The following PLEKHH1 variants were observed in gnomAD, a reference collection of about 807,000 sequenced individuals.
PLEKHH1 encodes the protein pleckstrin homology domain-containing family H member 1.
PLEKHH1 carries 104 observed loss-of-function variants against 160.0 expected under a neutral mutation model. That is an observed-to-expected ratio of 0.65 (90% confidence interval 0.55 to 0.76). The LOEUF (loss-of-function observed/expected upper bound fraction) is 0.76. PLEKHH1 is among the 30% of genes least tolerant of loss of function. PLEKHH1 has a pLI of 0.00. For missense variants in PLEKHH1, 1,427 were observed against 1,724.1 expected (o/e 0.83, Z 3.05); for synonymous variants, 619 against 678.4 (o/e 0.91, Z 1.36).
Position 67,587,609 on chromosome 14 carries a change from G to A in PLEKHH1, c.*374G>A. 7.0e-6 allele frequency: 2 copies of A among 284,616 alleles called. No individual in the cohort carries two copies. 17.6% of individuals were successfully genotyped at this position (284,616 alleles called of 1,614,324 possible). On this transcript the variant is annotated 3_prime_UTR_variant, in exon 29 of 29. Coordinates refer to ENST00000329153, the MANE Select transcript of PLEKHH1 (RefSeq NM_020715.3). ...TAATTTTCTTTCTGGGGGGGGCGGGGGACACAGTGTCACTATGTCACCCAG... is the reference window on the plus strand; with the variant it reads ...TAATTTTCTTTCTGGGGGGGGCGGGAGACACAGTGTCACTATGTCACCCAG...
At position 67,562,743 on chromosome 14, in the gene PLEKHH1, G is replaced by T; in HGVS notation, c.1112G>T (p.Arg371Leu). The T allele has an allele frequency of 6.2e-7, 1 of 1,613,744 alleles. No individual in the cohort carries two copies. The highest frequency in any genetic ancestry group is 1.1e-5 in the South Asian group (1 of 91,006). The change falls in exon 7 of 29, where the codon CGG becomes CTG. Residue 371 changes from arginine to leucine, a missense_variant. Around this residue, in one of 6 missense-constraint regions of PLEKHH1, gnomAD observed 831 missense variants for 929.2 expected, o/e 0.89. Transcript: ENST00000329153. ...LPELESRARS[R>L]EEPEKMEMEE... ...GAGCTGGAGTCCCGAGCTAGGTCCC[G>T]GGAGGAACCAGAGAAGATGGAGATG...
At chr14:67,556,267 C>T (rs113550231) in intron 3 of PLEKHH1, among the ~76,000 whole-genome samples, 139 of 152,266 alleles carry the variant, frequency 9.1e-4, no homozygotes, top group African/African-American at 3.2e-3. Flanking sequence ...TTGGAATGCG[C>T]AGCCTTCTTG....
Position 67,575,459 on chromosome 14 carries a change from G to A in PLEKHH1, c.2156G>A (p.Ser719Asn). The change falls in exon 15 of 29, where the codon AGC becomes AAC. Residue 719 changes from serine (S) to asparagine (N), a missense_variant. Around this residue, in one of 6 missense-constraint regions of PLEKHH1, gnomAD observed 831 missense variants for 929.2 expected, o/e 0.89. Coordinates refer to ENST00000329153, the MANE Select transcript of PLEKHH1 (RefSeq NM_020715.3). ...GGGAAAATCTTCTACTACTATCGGA[G>A]CCATGAGGACAAGGTACTTCTCAGC... is the stretch of plus-strand genomic sequence containing the variant. Reference protein sequence around the residue: ...LVGKIFYYYRSHEDKRPLGCL... With the variant: ...LVGKIFYYYRNHEDKRPLGCL... 2.5e-6 allele frequency: 4 copies of A among 1,603,198 alleles called. No homozygotes were observed. Among genetic ancestry groups the A allele is most frequent in the Non-Finnish European group, 2.6e-6 (3 of 1,173,560 alleles).
At chr14:67,550,158 T>A (rs1203383440) in intron 2 of PLEKHH1, among the ~76,000 whole-genome samples, 1 of 145,206 alleles carries the variant, frequency 6.9e-6, no homozygotes, top group Non-Finnish European at 1.5e-5. Flanking sequence ...GATCTGTTGC[T>A]AAAAAAAAAA....
At chr14:67,540,343 C>T (rs138962808) in intron 1 of PLEKHH1, among the ~76,000 whole-genome samples, 149 of 152,134 alleles carry the variant, frequency 9.8e-4, no homozygotes, top group Non-Finnish European at 1.6e-3. Flanking sequence ...AAAATATTAT[C>T]GGCCGGGTAC....
intron 5 of PLEKHH1, among the ~76,000 whole-genome samples, chr14:67,561,125 G>T (rs149621948): frequency 3.7e-4 from 57 of 152,330 alleles, no homozygotes; most frequent in African/African-American, 1.3e-3. Flanking sequence ...TTCTTTGGAT[G>T]TACATCTCAG....
chr14:67,549,024 C>T (rs774005263), intron 2 of PLEKHH1, among the ~76,000 whole-genome samples: 4 of 152,212 alleles, frequency 2.6e-5, no homozygotes, highest in Admixed American at 6.5e-5. Context: ...GTGCCAGTTT[C>T]ACAACATATG....
At chr14:67,555,050 C>A (rs889718438) in intron 2 of PLEKHH1, among the ~76,000 whole-genome samples, 5 of 152,048 alleles carry the variant, frequency 3.3e-5, no homozygotes, top group African/African-American at 1.2e-4. Context: ...GTAGCTGGGA[C>A]TACAGGCGCA....
chr14:67,572,424 G>A lies in PLEKHH1; in HGVS notation c.1728+147G>A, dbSNP rs367725279. On this transcript the variant is annotated intron_variant, in intron 11 of 28. Transcript: ENST00000329153. ...GGGGCAGGGGGCGTGGGCTGGGGGG[G>A]TGTACAGTTATGGAGTCAGACACAC... 6.2e-6 allele frequency: 4 copies of A among 644,648 alleles called. No homozygotes were observed. The Admixed American group carries it at 1.2e-4, about 19-fold the overall frequency. 39.9% of individuals were successfully genotyped at this position (644,648 alleles called of 1,614,324 possible).
intron 2 of PLEKHH1, among the ~76,000 whole-genome samples, chr14:67,546,686 A>G (rs2034194850): frequency 6.6e-6 from 1 of 152,162 alleles, no homozygotes; most frequent in Non-Finnish European, 1.5e-5. Flanking sequence ...CACCGTGCCC[A>G]GGCAGCAGAC....
In PLEKHH1 at chr14:67,575,372, A is replaced by T. The variant is rs371581970; in HGVS notation, c.2089-20A>T. 10 of 1,506,036 alleles carry T rather than the reference A, an allele frequency of 6.6e-6. No homozygotes were observed. The African/African-American group carries it at 1.4e-4, about 21-fold the overall frequency. 93.3% of individuals were successfully genotyped at this position (1,506,036 alleles called of 1,614,324 possible). ...AGAGTTACCTAGTTCTCATAATGCC[A>T]GTTCATTTCTGTCTTACAGGTAAAG... On this transcript the variant is annotated intron_variant, in intron 14 of 28. Transcript: ENST00000329153.
chr14:67,583,634 C>T (rs2036007028), intron 24 of PLEKHH1, 107 bp from the exon 25 acceptor site: 1 of 777,922 alleles, frequency 1.3e-6, no homozygotes. Flanking sequence ...CACTCGCACC[C>T]CACCAATAGG....
Position 67,573,914 on chromosome 14 carries a change from T to C in PLEKHH1, c.1926+27T>C, listed in dbSNP as rs370184110. The stretch of plus-strand genomic sequence containing the variant: ...TGAGCACGCTCCTGGCTGCTAGTAT[T>C]TTAAACAGAAGAGGTGCTGGGTTTG... On this transcript the variant is annotated intron_variant, in intron 13 of 28. Transcript: ENST00000329153. This position sits in a 1 kb window ranked among gnomAD's most constrained non-coding sequence, Gnocchi z 4.8. The C allele has an allele frequency of 6.5e-7, 1 of 1,545,450 alleles. No individual in the cohort carries two copies. Among genetic ancestry groups the C allele is most frequent in the Non-Finnish European group, 9.0e-7 (1 of 1,117,234 alleles).
intron 2 of PLEKHH1, among the ~76,000 whole-genome samples, chr14:67,552,629 T>G (rs1272335557): frequency 6.7e-6 from 1 of 148,494 alleles, no homozygotes; most frequent in Non-Finnish European, 1.5e-5. Context: ...TAGCTGGGCG[T>G]GGTGGCGGGT....
In PLEKHH1 at chr14:67,583,759, G is replaced by A. The variant is rs1159679748; in HGVS notation, c.3445G>A (p.Glu1149Lys). ...LMAQVEYGDL[E>K]KPALPGPGGT... ...ACCACAGGTAGAATATGGGGACTTG[G>A]AGAAGCCTGCCCTGCCAGGCCCTGG... Residue 1149 changes from glutamate (E) to lysine (K), a missense_variant, in exon 25 of 29, where the codon GAG becomes AAG. By Grantham distance (56) the Glu-to-Lys change is moderately conservative (BLOSUM62 1). This residue lies in a region of PLEKHH1 where 436 missense variants were observed against 607.5 expected (regional missense o/e 0.72). Transcript: ENST00000329153. 2.5e-6 allele frequency: 4 copies of A among 1,611,486 alleles called. No individual in the cohort carries two copies. Among genetic ancestry groups the A allele is most frequent in the Non-Finnish European group, 3.4e-6 (4 of 1,178,934 alleles).
At chr14:67,587,041 T>C in intron 28 of PLEKHH1, 33 bp from the exon 29 acceptor site, 2 of 1,551,676 alleles carry the variant, frequency 1.3e-6, no homozygotes, top group Non-Finnish European at 1.8e-6. Flanking sequence ...CCAAGGCTAG[T>C]TCAATTCCTT....
At position 67,578,779 on chromosome 14, in the gene PLEKHH1, G is replaced by A; in HGVS notation, c.2849+148G>A. 1 of 664,792 alleles carries A rather than the reference G, an allele frequency of 1.5e-6. No homozygotes were observed. The highest frequency in any genetic ancestry group is 2.7e-6 in the Non-Finnish European group (1 of 364,526). 41.2% of individuals were successfully genotyped at this position (664,792 alleles called of 1,614,324 possible). A position where few individuals can be genotyped will look rare whatever the true frequency, so the allele number is the denominator to read the frequency against. ...GTGGAGACTTCACCCATTGCCGTGT[G>A]CACAAATGGGCACGTGTGGATCTGG... On this transcript the variant is annotated intron_variant, in intron 20 of 28. Transcript: ENST00000329153. The surrounding 1 kb of genome is among the most constrained non-coding windows in gnomAD (Gnocchi z 5.0).
Position 67,534,789 on chromosome 14 carries a change from GAA to G in PLEKHH1, c.-35+1401_-35+1402del, listed in dbSNP as rs893922553. On this transcript the variant is annotated intron_variant, in intron 1 of 28. Transcript: ENST00000329153. ...GAGCATGTTCCTCCCATTCCTGATA[GAA>G]AAAAAAAAATCCAAAGAAATGTCTG... 9.3e-4 allele frequency among the ~76,000 whole-genome samples: 136 copies of G among 146,620 alleles called. 2 individuals carry two copies. Among genetic ancestry groups the G allele is most frequent in the Non-Finnish European group, 3.6e-4 (24 of 66,384 alleles).
intron 6 of PLEKHH1, 41 bp downstream of exon 6, chr14:67,562,076 T>G: frequency 6.2e-7 from 1 of 1,607,528 alleles, no homozygotes; most frequent in Non-Finnish European, 8.5e-7. Context: ...TACGTGTGTT[T>G]GGTGGGTATG....
Sources: gnomAD v4.1 joint callset for allele counts (sites outside exome capture counted in the v4.1 genomes callset) on GRCh38, gnomAD v4.1.1 for gene constraint, gnomAD v4.1.1 regional missense constraint, Gnocchi (gnomAD v3.1) non-coding constraint, MANE v1.5 for transcripts, NCBI Gene and HGNC (gene_info 2026-07-23, HGNC 2026-07-21) for gene names.